TENM1: variants seen among roughly 807,000 people sequenced by gnomAD.
TENM1 encodes teneurin transmembrane protein 1, also known as teneurin-1.
TENM1 carries 35 observed loss-of-function variants against 174.8 expected under a neutral mutation model. The observed-to-expected ratio is 0.20, with a 90% confidence interval of 0.15 to 0.27. The LOEUF is 0.27. Among genes scored for constraint, TENM1 ranks in the 10% least tolerant of loss-of-function variants. The pLI is 1.00. For synonymous variants in TENM1, 781 were observed against 798.7 expected, an observed-to-expected ratio of 0.98 and a Z score of 0.37; for missense variants, 1,633 against 2,130.1, an observed-to-expected ratio of 0.77 and a Z score of 4.59.
chrX:124,414,181 CGA>C (rs1464158673), intron 25 of TENM1, among the ~76,000 whole-genome samples: 1 of 111,392 alleles, frequency 9.0e-6, no homozygotes, highest in Non-Finnish European at 1.9e-5. Flanking sequence ...ATGCAGAAGA[CGA>C]AGGATCAAGA....
chrX:124,383,913 C>T, exon 30 of TENM1: 1 of 1,211,344 alleles, frequency 8.3e-7, no homozygotes, highest in Admixed American at 2.2e-5. Flanking sequence ...TCCTTTATGA[C>T]CTGACCTCGG....
intron 20 of TENM1, among the ~76,000 whole-genome samples, chrX:124,495,675 C>A (rs1293405142): frequency 1.9e-5 from 2 of 107,547 alleles, no homozygotes; most frequent in Non-Finnish European, 3.8e-5. Flanking sequence ...ATGTGAAGGA[C>A]CTCTTCAAGG....
At chrX:124,408,502 C>T (rs2060489093) in intron 25 of TENM1, among the ~76,000 whole-genome samples, 1 of 110,909 alleles carries the variant, frequency 9.0e-6, no homozygotes, top group African/African-American at 3.3e-5. Context: ...GGCAGTAGAC[C>T]GAAGGAAGCT....
chrX:124,423,483 A>G (rs1269825182), intron 23 of TENM1, among the ~76,000 whole-genome samples: 1 of 111,756 alleles, frequency 8.9e-6, no homozygotes, highest in Non-Finnish European at 1.9e-5. Context: ...TAGAGCCCTC[A>G]GAGGAACCAT....
intron 25 of TENM1, among the ~76,000 whole-genome samples, chrX:124,415,215 T>C (rs2060580779): frequency 8.9e-6 from 1 of 112,132 alleles, no homozygotes; most frequent in African/African-American, 3.2e-5. Flanking sequence ...ATTATGAAGG[T>C]TGGAAAGTTG....
At chrX:124,989,717 C>T in the TENM1 span, among the ~76,000 whole-genome samples, 1 of 104,023 alleles carries the variant, frequency 9.6e-6, no homozygotes, top group Non-Finnish European at 1.9e-5. Context: ...AAGTCTTCTG[C>T]AGGAAAAAAA....
chrX:124,384,044 G>A (rs927700882), exon 30 of TENM1: 49 of 1,211,338 alleles, frequency 4.0e-5, no homozygotes, highest in Non-Finnish European at 5.1e-5. Context: ...TGTAATCTCC[G>A]AGCTTGTGTG....
At chrX:124,693,397 T>C (rs772708156) in intron 5 of TENM1, among the ~76,000 whole-genome samples, 1 of 112,041 alleles carries the variant, frequency 8.9e-6, no homozygotes, top group South Asian at 3.7e-4. Flanking sequence ...ATATGTAGTT[T>C]GTATTTATTT....
chrX:125,171,980 T>C, the TENM1 span, among the ~76,000 whole-genome samples: 4 of 111,498 alleles, frequency 3.6e-5, no homozygotes, highest in East Asian at 1.1e-3. Context: ...AAAATAGAGG[T>C]AAAAGGCATA....
chrX:124,673,774 C>G (rs902723361), intron 5 of TENM1, among the ~76,000 whole-genome samples: 1 of 110,925 alleles, frequency 9.0e-6, no homozygotes, highest in African/African-American at 3.3e-5. Flanking sequence ...TGTTTGTATA[C>G]ACATTCATGC....
chrX:125,057,320 T>G, the TENM1 span, among the ~76,000 whole-genome samples: 1 of 109,066 alleles, frequency 9.2e-6, no homozygotes. Context: ...TATTTTATTT[T>G]ATATGTTCTG....
chrX:124,968,368 TTGAA>T (rs1243793674), upstream of TENM1, among the ~76,000 whole-genome samples: 4 of 111,839 alleles, frequency 3.6e-5, no homozygotes, highest in African/African-American at 1.3e-4. Context: ...ATGTCTCACT[TTGAA>T]TGCTGAATGT....
intron 23 of TENM1, among the ~76,000 whole-genome samples, chrX:124,452,241 A>T (rs1445054550): frequency 2.7e-5 from 3 of 112,903 alleles, no homozygotes; most frequent in Admixed American, 9.3e-5. Context: ...AAAAGAGGAC[A>T]TTTATGCAGC....
chrX:124,823,725 T>C (rs924973870), intron 3 of TENM1, among the ~76,000 whole-genome samples: 1 of 110,991 alleles, frequency 9.0e-6, no homozygotes, highest in African/African-American at 3.3e-5. Flanking sequence ...ATTAAAATGC[T>C]ATACTAAAGA....
the TENM1 span, among the ~76,000 whole-genome samples, chrX:125,075,957 A>T: frequency 1.8e-5 from 2 of 111,596 alleles, no homozygotes; most frequent in Non-Finnish European, 1.9e-5. Context: ...TCTTCTCTCT[A>T]CAAATAAACC....
Position 124,656,511 on chromosome X carries a change from T to C in TENM1, c.1169-2728A>G, listed in dbSNP as rs936074035. On this transcript the variant is annotated intron_variant, in intron 6 of 31. Coordinates refer to ENST00000422452, the Ensembl canonical transcript of TENM1. ...ACGAATGAGCACGTGGACTGTAATT[T>C]AAATAAAAATAGGCAAAGCAAGCTA... Among the ~76,000 whole-genome samples the C allele has an allele frequency of 3.6e-5, 4 of 112,211 alleles. No individual in the cohort carries two copies. In the Admixed American group the frequency reaches 3.8e-4, roughly 11 times the overall value.
chrX:124,522,701 T>C (rs1320942252), intron 17 of TENM1, among the ~76,000 whole-genome samples: 5 of 108,065 alleles, frequency 4.6e-5, no homozygotes, highest in Admixed American at 2.0e-4. Flanking sequence ...TTTTTTTTTT[T>C]TTTGGAGACA....
intron 11 of TENM1, among the ~76,000 whole-genome samples, chrX:124,632,674 T>C (rs2050789070): frequency 2.7e-5 from 3 of 110,499 alleles, no homozygotes; most frequent in Non-Finnish European, 5.7e-5. Flanking sequence ...CAAACTCTAA[T>C]AATGACCCTG....
At chrX:125,039,259 C>T in the TENM1 span, among the ~76,000 whole-genome samples, 4 of 111,350 alleles carry the variant, frequency 3.6e-5, no homozygotes, top group South Asian at 3.7e-4. Context: ...TTTGTCTTCC[C>T]GCAGGTTTAA....
Sources: allele counts gnomAD v4.1 joint callset (sites outside exome capture counted in the v4.1 genomes callset), GRCh38; gene constraint gnomAD v4.1.1; transcripts MANE v1.5; gene names NCBI Gene and HGNC (gene_info 2026-07-23, HGNC 2026-07-21).